Variants in ADCY10 observed in about 807,000 individuals in gnomAD.
The protein encoded by ADCY10 is adenylate cyclase 10.
A neutral mutation model predicts 183.3 loss-of-function variants in ADCY10; 156 were observed. That is an observed-to-expected ratio of 0.85 (90% CI 0.75 to 0.97). The LOEUF (loss-of-function observed/expected upper bound fraction) is 0.97. Among genes scored for constraint, ADCY10 ranks in the 50% least tolerant of loss-of-function variants. ADCY10 has a pLI of 0.00. For synonymous variants in ADCY10, 645 were observed against 670.0 expected, an observed-to-expected ratio of 0.96 and a Z score of 0.58; for missense variants, 1,745 against 1,934.3, an observed-to-expected ratio of 0.90 and a Z score of 1.84.
chr1:167,907,350 G>A (rs1043796433), intron 1 of ADCY10, among the ~76,000 whole-genome samples: 6 of 152,102 alleles, frequency 3.9e-5, no homozygotes, highest in Non-Finnish European at 5.9e-5. Flanking sequence ...AAATAACAAA[G>A]GCTTATTTCT....
At chr1:167,899,728 A>G (rs1385406086) in intron 5 of ADCY10, 100 bp from the exon 6 acceptor site, 10 of 1,088,338 alleles carry the variant, frequency 9.2e-6, no homozygotes, top group South Asian at 1.3e-5. Flanking sequence ...GGACTATACT[A>G]TCTCAGAGCA....
intron 21 of ADCY10, among the ~76,000 whole-genome samples, chr1:167,844,077 A>G (rs1220817337): frequency 6.6e-6 from 1 of 152,256 alleles, no homozygotes; most frequent in African/African-American, 2.4e-5. Flanking sequence ...CAATTTCAAC[A>G]TAATATTACA....
At chr1:167,810,265 A>G (rs779339910) in intron 32 of ADCY10, among the ~76,000 whole-genome samples, 2 of 152,196 alleles carry the variant, frequency 1.3e-5, no homozygotes, top group Non-Finnish European at 2.9e-5. Context: ...ATCCTGAACT[A>G]TGGACATGTC....
intron 26 of ADCY10, among the ~76,000 whole-genome samples, chr1:167,827,833 C>T (rs1663429482): frequency 6.6e-6 from 1 of 152,060 alleles, no homozygotes; most frequent in African/African-American, 2.4e-5. Flanking sequence ...CCTGCCTCGG[C>T]CTCCTGAGTA....
At chr1:167,880,070 C>T in intron 11 of ADCY10, 45 bp downstream of exon 11, 18 of 1,534,644 alleles carry the variant, frequency 1.2e-5, no homozygotes, top group Non-Finnish European at 1.5e-5. Context: ...TGGCAAGGTG[C>T]TGTGTTTGCA....
At chr1:167,811,460 G>A (rs1397386094) in intron 31 of ADCY10, among the ~76,000 whole-genome samples, 3 of 152,142 alleles carry the variant, frequency 2.0e-5, no homozygotes, top group South Asian at 2.1e-4. Context: ...GGTCGTGCAC[G>A]CCTGTAGTCC....
intron 11 of ADCY10, among the ~76,000 whole-genome samples, chr1:167,879,115 G>A (rs1457760712): frequency 6.6e-6 from 1 of 152,194 alleles, no homozygotes; most frequent in African/African-American, 2.4e-5. Flanking sequence ...GTGCATGGAG[G>A]ATTGAAGCAC....
At chr1:167,829,173 T>G in intron 26 of ADCY10, 94 bp downstream of exon 26, 4 of 1,441,348 alleles carry the variant, frequency 2.8e-6, no homozygotes, top group Non-Finnish European at 3.9e-6. Context: ...TATTATTATA[T>G]CCTCAGAATT....
rs145307634 is a variant in ADCY10, at chr1:167,860,514, G to T, written c.1809+357C>A. Among the ~76,000 whole-genome samples, 967 of 152,290 alleles carry T rather than the reference G, an allele frequency of 6.3e-3. 9 individuals carry two copies. The highest frequency in any genetic ancestry group is 0.022 in the African/African-American group (906 of 41,552). On this transcript the variant is annotated intron_variant, in intron 15 of 32. Coordinates refer to ENST00000367851, the MANE Select transcript of ADCY10 (RefSeq NM_018417.6). ...AACAGGCCATGAACTAGTACCAGGG[G>T]TTGAGGACCCCTGTGTTAGATAATT...
chr1:167,905,110 A>T lies in ADCY10; in HGVS notation c.31T>A (p.Trp11Arg). The T allele has an allele frequency of 6.2e-7, 1 of 1,614,250 alleles. No homozygotes were observed. The highest frequency in any genetic ancestry group is 1.1e-5 in the South Asian group (1 of 91,084). MNTPKEEFQD[W>R]PIVRIAAHLP... ...TGAGCTGCTATTCTGACTATGGGCCAGTCCTGGAATTCTTCTTTTGGAGTG... is the reference window on the plus strand; with the variant it reads ...TGAGCTGCTATTCTGACTATGGGCCTGTCCTGGAATTCTTCTTTTGGAGTG... The change falls in exon 2 of 33, where the codon TGG (tryptophan) becomes AGG (arginine). Residue 11 changes from tryptophan to arginine, a missense_variant. Physicochemically the swap from Trp to Arg is moderately radical, Grantham distance 101. Transcript: ENST00000367851.
intron 13 of ADCY10, among the ~76,000 whole-genome samples, chr1:167,872,084 G>A (rs1277965484): frequency 3.3e-5 from 5 of 152,270 alleles, no homozygotes; most frequent in African/African-American, 1.2e-4. Flanking sequence ...GCTCACGCCT[G>A]TAATCCCAGC....
chr1:167,910,286 A>C (rs545716641), intron 1 of ADCY10, among the ~76,000 whole-genome samples: 9 of 152,372 alleles, frequency 5.9e-5, no homozygotes, highest in Non-Finnish European at 8.8e-5. Context: ...TTTAAGATAC[A>C]TAAAAGTGTT....
intron 26 of ADCY10, 75 bp downstream of exon 26, chr1:167,829,192 T>G (rs1663529890): frequency 6.4e-7 from 1 of 1,556,814 alleles, no homozygotes; most frequent in South Asian, 1.1e-5. Flanking sequence ...TTTTGAATCC[T>G]AATTGGCTTT....
intron 25 of ADCY10, among the ~76,000 whole-genome samples, chr1:167,831,216 G>C (rs1558158217): frequency 6.6e-6 from 1 of 151,702 alleles, no homozygotes; most frequent in Admixed American, 6.6e-5. Flanking sequence ...TTGAGACGGA[G>C]TCTCGCTTTA....
intron 17 of ADCY10, 121 bp downstream of exon 17, chr1:167,856,044 G>T: frequency 1.8e-6 from 2 of 1,142,564 alleles, no homozygotes; most frequent in Non-Finnish European, 2.5e-6. Context: ...TTTTTAAAAG[G>T]TGGGGCCAGG....
At chr1:167,814,631 T>C (rs962792135) in intron 31 of ADCY10, among the ~76,000 whole-genome samples, 1 of 152,050 alleles carries the variant, frequency 6.6e-6, no homozygotes, top group African/African-American at 2.4e-5. Context: ...CACAGAGGAC[T>C]TAGACAACAC....
At chr1:167,887,018 A>G (rs1668267071) in intron 8 of ADCY10, among the ~76,000 whole-genome samples, 1 of 152,214 alleles carries the variant, frequency 6.6e-6, no homozygotes, top group African/African-American at 2.4e-5. Flanking sequence ...ACCAGTTAGA[A>G]TGGCAATCAT....
At chr1:167,887,075 G>A (rs1288708051) in intron 8 of ADCY10, among the ~76,000 whole-genome samples, 5 of 152,138 alleles carry the variant, frequency 3.3e-5, no homozygotes, top group African/African-American at 7.2e-5. Context: ...TGGAGAAATA[G>A]GAACACTTTT....
In ADCY10 at chr1:167,878,463, C is replaced by A. The variant is rs1465254971; in HGVS notation, c.1389G>T (p.Trp463Cys). The change falls in exon 12 of 33, where the codon TGG (tryptophan) becomes TGT (cysteine). Residue 463 changes from tryptophan to cysteine, a missense_variant. Physicochemically the swap from Trp to Cys is radical, Grantham distance 215. Coordinates refer to ENST00000367851, the MANE Select transcript of ADCY10 (RefSeq NM_018417.6). ...VADSGPLYQY[W>C]GRTEKVMFGM... Reference sequence around the variant, plus strand: ...ACACTCACACTTTCTCAGTACGGCCCCAATACTGATACAATGGTCCAGAAT... The same window carrying A: ...ACACTCACACTTTCTCAGTACGGCCACAATACTGATACAATGGTCCAGAAT... 6.2e-7 allele frequency: 1 copy of A among 1,613,946 alleles called. No individual in the cohort carries two copies. Among genetic ancestry groups the A allele is most frequent in the Admixed American group, 1.7e-5 (1 of 60,012 alleles).
Sources: allele counts gnomAD v4.1 joint callset (sites outside exome capture counted in the v4.1 genomes callset), GRCh38; gene constraint gnomAD v4.1.1; transcripts MANE v1.5; gene names NCBI Gene and HGNC (gene_info 2026-07-23, HGNC 2026-07-21).